SORCS1: variants seen among roughly 807,000 people sequenced by gnomAD.
SORCS1 encodes VPS10 domain-containing receptor SorCS1.
SORCS1 carries 60 observed loss-of-function variants against 146.1 expected under a neutral mutation model. The observed-to-expected ratio is 0.41, with a 90% CI of 0.33 to 0.51. SORCS1 has a LOEUF of 0.51. Among genes scored for constraint, SORCS1 ranks in the 20% least tolerant of loss-of-function variants. The pLI is 0.21. For synonymous variants in SORCS1, 637 were observed against 584.0 expected, an observed-to-expected ratio of 1.09 and a Z score of -1.31; for missense variants, 1,352 against 1,487.6, an observed-to-expected ratio of 0.91 and a Z score of 1.50.
chr10:106,963,169 G>T (rs1177559388), intron 1 of SORCS1, among the ~76,000 whole-genome samples: 1 of 129,118 alleles, frequency 7.7e-6, no homozygotes, highest in Non-Finnish European at 1.5e-5. Flanking sequence ...AGGCTGGAGT[G>T]CAGTGGCACG....
rs564059479 is a variant in SORCS1, at chr10:106,829,901, A to T, written c.627-228T>A. Among the ~76,000 whole-genome samples the T allele has an allele frequency of 1.4e-4, 21 of 152,334 alleles. No individual in the cohort carries two copies. In the South Asian group the frequency reaches 2.7e-3, roughly 20 times the overall value. On this transcript the variant is annotated intron_variant, in intron 2 of 25. Transcript: ENST00000263054. The stretch of plus-strand genomic sequence containing the variant: ...AAACTCCATCTCTCTACTGCTCCTT[A>T]ATGTACGCACATTGCATAAAGAATG...
intron 1 of SORCS1, among the ~76,000 whole-genome samples, chr10:107,133,086 CAG>C (rs1185896328): frequency 2.6e-5 from 4 of 152,154 alleles, no homozygotes; most frequent in African/African-American, 9.7e-5. Flanking sequence ...TTCATATTCA[CAG>C]AGTCTGACAA....
intron 2 of SORCS1, among the ~76,000 whole-genome samples, chr10:106,873,035 G>A (rs1008435985): frequency 2.6e-5 from 4 of 152,172 alleles, no homozygotes; most frequent in Non-Finnish European, 4.4e-5. Context: ...TTAGCCAGGC[G>A]TGGTGGCAAG....
At chr10:106,878,997 A>G (rs1950711532) in intron 2 of SORCS1, among the ~76,000 whole-genome samples, 1 of 151,850 alleles carries the variant, frequency 6.6e-6, no homozygotes, top group Admixed American at 6.6e-5. Context: ...AATACAAAAA[A>G]AAAGTAGCCG....
chr10:107,005,560 T>G (rs1957405853), intron 1 of SORCS1, among the ~76,000 whole-genome samples: 2 of 150,532 alleles, frequency 1.3e-5, no homozygotes, highest in Non-Finnish European at 2.9e-5. Flanking sequence ...TTGTATTCCC[T>G]TTTTTCCATA....
At chr10:106,676,803 C>T (rs1852061895) in intron 13 of SORCS1, among the ~76,000 whole-genome samples, 1 of 152,128 alleles carries the variant, frequency 6.6e-6, no homozygotes, top group South Asian at 2.1e-4. Context: ...TTACATTTGT[C>T]TTATCTGAGT....
intron 2 of SORCS1, among the ~76,000 whole-genome samples, chr10:106,845,742 C>T (rs1295796857): frequency 5.6e-5 from 4 of 71,978 alleles, no homozygotes; most frequent in Admixed American, 1.6e-4. Context: ...TTTAATCCAT[C>T]TTGAATTGAT....
intron 2 of SORCS1, among the ~76,000 whole-genome samples, chr10:106,907,658 G>A (rs916293730): frequency 1.8e-4 from 28 of 152,110 alleles, no homozygotes; most frequent in African/African-American, 6.8e-4. Context: ...TAGGTGCGGT[G>A]GCTCACACCT....
chr10:106,761,039 A>C (rs1394895568), intron 5 of SORCS1, among the ~76,000 whole-genome samples: 2 of 152,072 alleles, frequency 1.3e-5, no homozygotes, highest in African/African-American at 4.8e-5. Flanking sequence ...CAAAGCAAAC[A>C]GAAGTTGCAG....
chr10:107,034,860 ATGTTT>A (rs1554926309), intron 1 of SORCS1, among the ~76,000 whole-genome samples: 1 of 151,972 alleles, frequency 6.6e-6, no homozygotes. Flanking sequence ...CATAAACGGT[ATGTTT>A]TATTTTCGTA....
At chr10:106,707,941 T>A (rs1178005729) in intron 7 of SORCS1, among the ~76,000 whole-genome samples, 18 of 152,208 alleles carry the variant, frequency 1.2e-4, no homozygotes, top group Non-Finnish European at 2.9e-5. Context: ...TGGAAAGTTA[T>A]CATCTTCACC....
At chr10:106,594,272 A>T (rs1003543045) in intron 24 of SORCS1, among the ~76,000 whole-genome samples, 3 of 152,298 alleles carry the variant, frequency 2.0e-5, no homozygotes, top group Middle Eastern at 3.4e-3. Flanking sequence ...TTTACATACC[A>T]CTTCTCCCTA....
chr10:106,629,384 T>G lies in SORCS1; in HGVS notation c.2480A>C (p.Asp827Ala). 1.2e-6 allele frequency: 2 copies of G among 1,613,788 alleles called. No individual in the cohort carries two copies. The highest frequency in any genetic ancestry group is 1.7e-6 in the Non-Finnish European group (2 of 1,179,760). ...CACTTGGATGAGTGTCCGCTGAACATCACCCTGAAAAACAACCCAACATCA... is the reference window on the plus strand; with the variant it reads ...CACTTGGATGAGTGTCCGCTGAACAGCACCCTGAAAAACAACCCAACATCA... ...VTLMVQLEEGDVQRTLIQVDF... is the reference protein window; with the variant it reads ...VTLMVQLEEGAVQRTLIQVDF... Residue 827 changes from aspartate (D) to alanine (A), a missense_variant, in exon 19 of 26, where the codon GAT becomes GCT. Physicochemically the swap from Asp to Ala is moderately radical, Grantham distance 126. This residue lies in a region of SORCS1 where 648 missense variants were observed against 793.8 expected (regional missense o/e 0.82). Transcript: ENST00000263054.
intron 1 of SORCS1, among the ~76,000 whole-genome samples, chr10:107,038,068 C>T (rs1321145132): frequency 2.0e-5 from 3 of 152,120 alleles, no homozygotes; most frequent in African/African-American, 7.2e-5. Flanking sequence ...GGTGATCTGC[C>T]CGCCTCAGCC....
chr10:106,657,479 A>G (rs1850387436), intron 17 of SORCS1, among the ~76,000 whole-genome samples: 1 of 152,166 alleles, frequency 6.6e-6, no homozygotes, highest in South Asian at 2.1e-4. Flanking sequence ...AAGGAGGGTG[A>G]CAGAGAAAAA....
At chr10:107,106,878 G>C (rs767359616) in intron 1 of SORCS1, among the ~76,000 whole-genome samples, 8 of 152,142 alleles carry the variant, frequency 5.3e-5, no homozygotes, top group African/African-American at 9.7e-5. Context: ...CTTCTGCCAT[G>C]TGAGGATACA....
intron 2 of SORCS1, among the ~76,000 whole-genome samples, chr10:106,849,728 T>C: frequency 6.6e-6 from 1 of 151,432 alleles, no homozygotes; most frequent in Admixed American, 6.6e-5. Flanking sequence ...TATCTACTTT[T>C]GGTCTTTGAT....
chr10:106,836,659 T>C (rs1345470567), intron 2 of SORCS1, among the ~76,000 whole-genome samples: 1 of 152,058 alleles, frequency 6.6e-6, no homozygotes, highest in African/African-American at 2.4e-5. Flanking sequence ...TCTTTGAGGT[T>C]GTATATGGTG....
rs536823597 is a variant in SORCS1, at chr10:106,613,346, A to AG, written c.2921-1324dup. Among the ~76,000 whole-genome samples the AG allele has an allele frequency of 2.7e-3, 416 of 152,286 alleles. 1 individual carries two copies. Among genetic ancestry groups the AG allele is most frequent in the Non-Finnish European group, 3.2e-3 (216 of 68,034 alleles). Reference sequence around the variant, plus strand: ...ACTATCGACCACCGTGCATGCATATAGGACAGTCAAAGAGAGGAAGAAAGA... The same window carrying AG: ...ACTATCGACCACCGTGCATGCATATAGGGACAGTCAAAGAGAGGAAGAAAGA... On this transcript the variant is annotated intron_variant, in intron 21 of 25. Coordinates refer to ENST00000263054, the MANE Select transcript of SORCS1 (RefSeq NM_052918.5).
Sources: gnomAD v4.1 joint callset for allele counts (sites outside exome capture counted in the v4.1 genomes callset) on GRCh38, gnomAD v4.1.1 for gene constraint, gnomAD v4.1.1 regional missense constraint, MANE v1.5 for transcripts, NCBI Gene and HGNC (gene_info 2026-07-23, HGNC 2026-07-21) for gene names.